CADM2: variants seen among roughly 807,000 people sequenced by gnomAD.
CADM2 encodes cell adhesion molecule 2.
A neutral mutation model predicts 49.8 loss-of-function variants in CADM2; 12 were observed. The ratio of observed to expected loss-of-function variants is 0.24; its 90% confidence interval spans 0.15 to 0.39. CADM2 has a LOEUF of 0.39. Ranked by LOEUF, CADM2 falls within the 10% of genes least tolerant of loss-of-function variation. The pLI is 1.00. For missense variants in CADM2, 378 were observed against 492.3 expected (o/e 0.77, Z 2.20); for synonymous variants, 214 against 175.4 (o/e 1.22, Z -1.74).
intron 1 of CADM2, among the ~76,000 whole-genome samples, chr3:85,437,110 T>C (rs2036967576): frequency 6.6e-6 from 1 of 152,162 alleles, no homozygotes; most frequent in Non-Finnish European, 1.5e-5. Flanking sequence ...GTATGTAGCC[T>C]TTTCATGTTG....
At chr3:85,213,032 G>A (rs574980522) in intron 1 of CADM2, among the ~76,000 whole-genome samples, 34 of 151,564 alleles carry the variant, frequency 2.2e-4, no homozygotes, top group African/African-American at 7.0e-4. Context: ...ATAGGTTTAC[G>A]TCACCACACC....
At chr3:85,564,222 T>A (rs930960941) in intron 1 of CADM2, among the ~76,000 whole-genome samples, 1 of 151,688 alleles carries the variant, frequency 6.6e-6, no homozygotes, top group Non-Finnish European at 1.5e-5. Flanking sequence ...TGTGATAAAA[T>A]ACACGTAACA....
At chr3:85,718,221 G>A (rs1577154127) in intron 1 of CADM2, among the ~76,000 whole-genome samples, 1 of 152,152 alleles carries the variant, frequency 6.6e-6, no homozygotes, top group African/African-American at 2.4e-5. Context: ...CATGAAATGA[G>A]GTAAATCATC....
rs532570045 is a variant in CADM2 at position 85,136,667 on chromosome 3, A to C, written c.61+176999A>C. 7.2e-5 allele frequency among the ~76,000 whole-genome samples: 11 copies of C among 152,102 alleles called. No individual in the cohort carries two copies. The East Asian group carries it at 2.1e-3, about 29-fold the overall frequency. On this transcript the variant is annotated intron_variant, in intron 1 of 9. Coordinates refer to ENST00000383699, the MANE Select transcript of CADM2 (RefSeq NM_001167675.2). ...CTTTACAATCTAACTGCAAGTTAAA[A>C]CATTTCTTAAGCAAGTTACTTAAGA...
intron 1 of CADM2, among the ~76,000 whole-genome samples, chr3:85,288,445 A>G (rs2043690387): frequency 6.6e-6 from 1 of 152,104 alleles, no homozygotes; most frequent in Non-Finnish European, 1.5e-5. Flanking sequence ...TTTAATACAT[A>G]TATTCTGCAA....
At chr3:85,883,161 G>C (rs975585551) in intron 3 of CADM2, 130 bp from the exon 4 acceptor site, 1 of 701,542 alleles carries the variant, frequency 1.4e-6, no homozygotes, top group African/African-American at 1.8e-5. Flanking sequence ...CTTTTAAACT[G>C]TTCCAAGAAA....
At chr3:85,228,352 T>G (rs1559731890) in intron 1 of CADM2, among the ~76,000 whole-genome samples, 1 of 151,922 alleles carries the variant, frequency 6.6e-6, no homozygotes, top group East Asian at 1.9e-4. Context: ...TAATCTTGTC[T>G]TCTTACTTTA....
chr3:85,816,583 G>T (rs775264962), intron 3 of CADM2, among the ~76,000 whole-genome samples: 11 of 152,054 alleles, frequency 7.2e-5, no homozygotes, highest in Admixed American at 2.6e-4. Context: ...TTAACATCAA[G>T]TACAAAATGA....
At chr3:85,083,480 C>T (rs1036255767) in intron 1 of CADM2, among the ~76,000 whole-genome samples, 5 of 152,060 alleles carry the variant, frequency 3.3e-5, no homozygotes, top group Non-Finnish European at 7.4e-5. Flanking sequence ...ATGCTATCTT[C>T]GTCTTTCACA....
chr3:85,735,944 C>T (rs972871865), intron 2 of CADM2, among the ~76,000 whole-genome samples: 6 of 152,042 alleles, frequency 3.9e-5, no homozygotes, highest in African/African-American at 1.4e-4. Flanking sequence ...GAAAGTTCTA[C>T]ACTTTAGATA....
chr3:85,012,575 C>T (rs2034050203), intron 1 of CADM2, among the ~76,000 whole-genome samples: 1 of 150,124 alleles, frequency 6.7e-6, no homozygotes, highest in African/African-American at 2.4e-5. Flanking sequence ...AAACAATGAA[C>T]AATATTAAAA....
intron 3 of CADM2, among the ~76,000 whole-genome samples, chr3:85,812,020 A>G (rs1358083136): frequency 6.6e-6 from 1 of 152,088 alleles, no homozygotes; most frequent in Non-Finnish European, 1.5e-5. Context: ...CTGTATGGAT[A>G]TCTATAAAAT....
At chr3:85,129,691 C>A (rs1481060928) in intron 1 of CADM2, among the ~76,000 whole-genome samples, 2 of 152,108 alleles carry the variant, frequency 1.3e-5, no homozygotes, top group African/African-American at 4.8e-5. Flanking sequence ...TTAATAATTC[C>A]CTCCACCAGA....
intron 8 of CADM2, among the ~76,000 whole-genome samples, chr3:86,021,152 ACCACGC>A (rs1228562962): frequency 6.6e-6 from 1 of 152,066 alleles, no homozygotes; most frequent in Non-Finnish European, 1.5e-5. Context: ...GGCATCCACC[ACCACGC>A]CCAGCTAATT....
intron 8 of CADM2, among the ~76,000 whole-genome samples, chr3:86,060,517 A>G (rs1171619900): frequency 6.6e-6 from 1 of 152,212 alleles, no homozygotes; most frequent in African/African-American, 2.4e-5. Context: ...CAGTAAGATG[A>G]AAAATGAGAA....
At chr3:85,465,945 T>G (rs904828729) in intron 1 of CADM2, among the ~76,000 whole-genome samples, 1 of 152,210 alleles carries the variant, frequency 6.6e-6, no homozygotes, top group Admixed American at 6.5e-5. Context: ...TCATATGAAG[T>G]GCTTGCATTT....
chr3:85,458,070 T>A (rs2038074022), intron 1 of CADM2, among the ~76,000 whole-genome samples: 1 of 152,228 alleles, frequency 6.6e-6, no homozygotes, highest in South Asian at 2.1e-4. Context: ...CATCAACTAT[T>A]CCTTTGTTTA....
At chr3:85,062,192 A>G (rs959641692) in intron 1 of CADM2, among the ~76,000 whole-genome samples, 4 of 152,034 alleles carry the variant, frequency 2.6e-5, no homozygotes, top group Admixed American at 2.6e-4. Flanking sequence ...ATAGTAATAA[A>G]TTTCTAATTT....
chr3:85,053,956 G>T (rs986771940), intron 1 of CADM2, among the ~76,000 whole-genome samples: 2 of 151,872 alleles, frequency 1.3e-5, no homozygotes, highest in East Asian at 3.9e-4. Flanking sequence ...TGATTGCAAA[G>T]AACCTTCTGT....
Sources: allele counts gnomAD v4.1 joint callset (sites outside exome capture counted in the v4.1 genomes callset), GRCh38; gene constraint gnomAD v4.1.1; transcripts MANE v1.5; gene names NCBI Gene and HGNC (gene_info 2026-07-23, HGNC 2026-07-21).